Variants in COL4A1 observed in about 807,000 individuals in gnomAD.
The protein encoded by COL4A1 is collagen alpha-1(IV) chain.
COL4A1 carries 40 observed loss-of-function variants against 216.6 expected under a neutral mutation model. That is an observed-to-expected ratio of 0.18 (90% CI 0.14 to 0.24). The LOEUF (loss-of-function observed/expected upper bound fraction) is 0.24. Among genes scored for constraint, COL4A1 ranks in the 10% least tolerant of loss-of-function variants. COL4A1 has a pLI of 1.00. For synonymous variants in COL4A1, 839 were observed against 810.7 expected, an observed-to-expected ratio of 1.03 and a Z score of -0.59; for missense variants, 1,628 against 2,196.8, an observed-to-expected ratio of 0.74 and a Z score of 5.18.
intron 4 of COL4A1, 68 bp from the exon 5 acceptor site, chr13:110,212,686 C>A: frequency 6.4e-7 from 1 of 1,571,834 alleles, no homozygotes; most frequent in Non-Finnish European, 8.7e-7. Context: ...TCCTGCATCT[C>A]CCCGGTTAAT....
intron 37 of COL4A1, 21 bp downstream of exon 37, chr13:110,175,197 T>G: frequency 6.2e-7 from 1 of 1,614,124 alleles, no homozygotes; most frequent in Non-Finnish European, 8.5e-7. Context: ...AGGGGACCTT[T>G]CCACGCAGAG....
chr13:110,175,869 A>G (rs1314620415), intron 36 of COL4A1, among the ~76,000 whole-genome samples: 2 of 152,324 alleles, frequency 1.3e-5, no homozygotes, highest in Non-Finnish European at 2.9e-5. Context: ...TCAAGACTCA[A>G]GAGGAGATGG....
At chr13:110,187,872 T>C (rs1226496155) in intron 24 of COL4A1, among the ~76,000 whole-genome samples, 1 of 152,208 alleles carries the variant, frequency 6.6e-6, no homozygotes, top group Non-Finnish European at 1.5e-5. Context: ...CTGTGCATAT[T>C]GAACAGGCTT....
intron 22 of COL4A1, among the ~76,000 whole-genome samples, 165 bp downstream of exon 22, chr13:110,194,858 C>T (rs535600641): frequency 6.6e-6 from 1 of 152,094 alleles, no homozygotes; most frequent in African/African-American, 2.4e-5. Flanking sequence ...AACTAAGTTC[C>T]GGAAGATGCT....
intron 51 of COL4A1, among the ~76,000 whole-genome samples, chr13:110,151,072 A>G (rs1027216860): frequency 6.6e-6 from 1 of 152,230 alleles, no homozygotes; most frequent in African/African-American, 2.4e-5. Flanking sequence ...GATTGTTGAA[A>G]AGGTAAAATC....
At chr13:110,202,206 T>C (rs2139192433) in intron 18 of COL4A1, among the ~76,000 whole-genome samples, 1 of 151,114 alleles carries the variant, frequency 6.6e-6, no homozygotes, top group South Asian at 2.1e-4. Flanking sequence ...CAGAATGTTT[T>C]ACTTTACAAC....
intron 2 of COL4A1, among the ~76,000 whole-genome samples, chr13:110,227,333 T>A (rs599603): frequency 4.3e-4 from 65 of 150,958 alleles, no homozygotes; most frequent in African/African-American, 1.5e-3. Flanking sequence ...CGTATATGGA[T>A]TTTTTTTTAA....
At chr13:110,225,160 G>C (rs191342530) in intron 2 of COL4A1, among the ~76,000 whole-genome samples, 1 of 152,326 alleles carries the variant, frequency 6.6e-6, no homozygotes, top group East Asian at 1.9e-4. Context: ...TCCCTTGCCA[G>C]GGTGTGCAGA....
chr13:110,225,490 G>A (rs749268395), intron 2 of COL4A1, among the ~76,000 whole-genome samples: 5 of 152,182 alleles, frequency 3.3e-5, no homozygotes, highest in Non-Finnish European at 7.3e-5. Flanking sequence ...GGCTGAGACA[G>A]GAGAATCGCT....
chr13:110,297,232 G>A (rs1471282724), intron 1 of COL4A1, among the ~76,000 whole-genome samples: 2 of 152,160 alleles, frequency 1.3e-5, no homozygotes, highest in East Asian at 1.9e-4. Flanking sequence ...GGGTGGGGGG[G>A]CCAGCCACCA....
chr13:110,265,869 T>G (rs1223178318), intron 1 of COL4A1: 1 of 152,136 alleles, frequency 6.6e-6, no homozygotes, highest in East Asian at 1.9e-4. Context: ...GAATTTCCAC[T>G]GAACACTAGA....
intron 1 of COL4A1, among the ~76,000 whole-genome samples, chr13:110,277,530 AC>A (rs1408326350): frequency 6.6e-6 from 1 of 152,022 alleles, no homozygotes; most frequent in Admixed American, 6.6e-5. Flanking sequence ...TGTGGGACCC[AC>A]CTCCAGCTTC....
chr13:110,303,190 C>T (rs1566457791), intron 1 of COL4A1, among the ~76,000 whole-genome samples: 1 of 151,974 alleles, frequency 6.6e-6, no homozygotes, highest in Non-Finnish European at 1.5e-5. Context: ...TTGTGAATTC[C>T]CTCATGGCCT....
At chr13:110,270,278 T>A (rs1883198579) in intron 1 of COL4A1, among the ~76,000 whole-genome samples, 1 of 152,238 alleles carries the variant, frequency 6.6e-6, no homozygotes. Flanking sequence ...TTGTTTTTAG[T>A]GCATAACAGT....
chr13:110,212,273 T>C, intron 6 of COL4A1, 144 bp downstream of exon 6: 1 of 972,892 alleles, frequency 1.0e-6, no homozygotes, highest in Non-Finnish European at 1.6e-6. Flanking sequence ...TGTATTTCCT[T>C]ACTAAATAAA....
intron 1 of COL4A1, among the ~76,000 whole-genome samples, chr13:110,269,518 T>C (rs1883164954): frequency 6.6e-6 from 1 of 152,168 alleles, no homozygotes; most frequent in African/African-American, 2.4e-5. Flanking sequence ...TATGTATTTA[T>C]GATGATCAGT....
At chr13:110,203,511 C>G in intron 18 of COL4A1, 55 bp downstream of exon 18, 44 of 1,573,384 alleles carry the variant, frequency 2.8e-5, no homozygotes, top group Non-Finnish European at 3.5e-5. Context: ...GACCCAGGGT[C>G]CTCTCCTTCC....
chr13:110,258,928 T>C (rs1413088230), intron 1 of COL4A1, among the ~76,000 whole-genome samples: 3 of 152,252 alleles, frequency 2.0e-5, no homozygotes, highest in South Asian at 2.1e-4. Context: ...GATAGATATA[T>C]GCAGCCTTGA....
intron 31 of COL4A1, 99 bp from the exon 32 acceptor site, chr13:110,178,330 G>A (rs535489780): frequency 8.9e-6 from 13 of 1,458,952 alleles, no homozygotes; most frequent in Admixed American, 1.8e-5. Flanking sequence ...CAGAAAGCCC[G>A]TGAGCACGCC....
Sources: gnomAD v4.1 joint callset for allele counts (sites outside exome capture counted in the v4.1 genomes callset) on GRCh38, gnomAD v4.1.1 for gene constraint, MANE v1.5 for transcripts, NCBI Gene and HGNC (gene_info 2026-07-23, HGNC 2026-07-21) for gene names.